Variants in MYO3A observed in about 807,000 individuals in gnomAD.
The protein encoded by MYO3A is myosin-IIIa.
In MYO3A, 180 loss-of-function variants were observed where a neutral mutation model predicts 192.7. The observed-to-expected ratio is 0.93, with a 90% CI of 0.83 to 1.06. The LOEUF (loss-of-function observed/expected upper bound fraction) is 1.06, where lower values mean the gene tolerates loss of function less well. MYO3A is among the 50% of genes least tolerant of loss of function. The pLI is 0.00. For synonymous variants in MYO3A, 628 were observed against 645.3 expected, an observed-to-expected ratio of 0.97 and a Z score of 0.41; for missense variants, 1,896 against 1,905.0, an observed-to-expected ratio of 1.00 and a Z score of 0.09.
chr10:26,189,973 G>T (rs571572551), intron 31 of MYO3A, among the ~76,000 whole-genome samples: 1 of 152,172 alleles, frequency 6.6e-6, no homozygotes, highest in Non-Finnish European at 1.5e-5. Context: ...TGAGGCAGGA[G>T]AATAGCTTGA....
chr10:26,170,647 CTG>C, intron 29 of MYO3A, 108 bp downstream of exon 29: 1 of 1,211,498 alleles, frequency 8.3e-7, no homozygotes, highest in Non-Finnish European at 1.2e-6. Context: ...GTTCCTGATA[CTG>C]ACACATCAAA....
intron 31 of MYO3A, among the ~76,000 whole-genome samples, chr10:26,185,025 T>C (rs1484326577): frequency 6.6e-6 from 1 of 152,192 alleles, no homozygotes; most frequent in Non-Finnish European, 1.5e-5. Flanking sequence ...AAAAAAATAT[T>C]CTGAAGGAAT....
At chr10:26,025,001 A>G (rs1842476472) in intron 9 of MYO3A, among the ~76,000 whole-genome samples, 3 of 152,210 alleles carry the variant, frequency 2.0e-5, no homozygotes, top group African/African-American at 7.2e-5. Flanking sequence ...GAGTAACTCC[A>G]GTGTCTAGCA....
At chr10:26,063,646 A>G (rs1445434905) in intron 10 of MYO3A, among the ~76,000 whole-genome samples, 1 of 152,204 alleles carries the variant, frequency 6.6e-6, no homozygotes, top group African/African-American at 2.4e-5. Flanking sequence ...TAAGATATCT[A>G]TCCTAAAGGA....
chr10:26,192,311 G>A (rs919986667), intron 31 of MYO3A, among the ~76,000 whole-genome samples: 2 of 152,254 alleles, frequency 1.3e-5, no homozygotes, highest in Admixed American at 6.5e-5. Flanking sequence ...GTTGGTTTGA[G>A]GTTCTAAATT....
At chr10:26,043,810 C>A (rs538882133) in intron 10 of MYO3A, among the ~76,000 whole-genome samples, 1 of 152,176 alleles carries the variant, frequency 6.6e-6, no homozygotes, top group Non-Finnish European at 1.5e-5. Context: ...GCTGTATGCC[C>A]CTGTGGCAAA....
intron 25 of MYO3A, among the ~76,000 whole-genome samples, chr10:26,155,738 A>T (rs1841073056): frequency 6.6e-6 from 1 of 152,194 alleles, no homozygotes; most frequent in African/African-American, 2.4e-5. Context: ...TTAATACCTG[A>T]CGTTTGTTGC....
At chr10:26,152,734 C>T (rs189709673) in intron 23 of MYO3A, among the ~76,000 whole-genome samples, 4 of 152,316 alleles carry the variant, frequency 2.6e-5, no homozygotes, top group Admixed American at 6.5e-5. Flanking sequence ...CTGTATCTGT[C>T]CACTCTGCTG....
rs139349007 is a variant in MYO3A, at chr10:26,176,844, A to G, written c.4437A>G (p.Ser1479=). Residue 1479 remains serine (S), a splice_region_variant and synonymous_variant, in exon 31 of 35, where the codon TCA becomes TCG. Transcript: ENST00000642920. ...GAGTTTCTTCTCAGCAGTGCCTCTC[A>G]GGTAAAAATCAGTAGAGTTAGAACT... ...NRRVSSQQCL[S]GVCKGEEPKI... is the part of the protein sequence containing the mutation. The G allele has an allele frequency of 2.5e-6, 4 of 1,613,968 alleles. No homozygotes were observed. Among genetic ancestry groups the G allele is most frequent in the Non-Finnish European group, 3.4e-6 (4 of 1,179,946 alleles).
rs1381889483 is a variant in MYO3A at position 26,186,433 on chromosome 10, AT to A, written c.4439-6766del. Among the ~76,000 whole-genome samples, 3 of 151,822 alleles carry A rather than the reference AT, an allele frequency of 2.0e-5. No individual in the cohort carries two copies. In the East Asian group the frequency reaches 5.8e-4, roughly 29 times the overall value. ...AGGCGCCTGCCACCACACCCGGCTA[AT>A]TTTTTGTATTTTTAGTAGAGATGGT... is the stretch of plus-strand genomic sequence containing the variant. On this transcript the variant is annotated intron_variant, in intron 31 of 34. Coordinates refer to ENST00000642920, the MANE Select transcript of MYO3A (RefSeq NM_017433.5).
chr10:25,952,071 G>T lies in MYO3A; in HGVS notation c.-17-23G>T, dbSNP rs771343646. 28 of 1,555,958 alleles carry T rather than the reference G, an allele frequency of 1.8e-5. No homozygotes were observed. In the South Asian group the frequency reaches 3.1e-4, roughly 17 times the overall value. ...TTGATATCCTCAATCAACTGTAGAT[G>T]AAACTGTACTTCTTATCTCCAGGTT... On this transcript the variant is annotated intron_variant, in intron 2 of 34. Coordinates refer to ENST00000642920, the MANE Select transcript of MYO3A (RefSeq NM_017433.5).
At position 26,130,577 on chromosome 10, in the gene MYO3A, A is replaced by G. The variant is rs114961112; in HGVS notation, c.2262+2039A>G. Among the ~76,000 whole-genome samples, 598 of 152,342 alleles carry G rather than the reference A, an allele frequency of 3.9e-3. 5 individuals are homozygous for G. The highest frequency in any genetic ancestry group is 0.014 in the African/African-American group (571 of 41,566). ...AAAATTTCCCCCAACAAAATAAAAC[A>G]TTCAACTAGAATCCAGGATTATACA... On this transcript the variant is annotated intron_variant, in intron 20 of 34. Coordinates refer to ENST00000642920, the MANE Select transcript of MYO3A (RefSeq NM_017433.5).
At position 25,971,386 on chromosome 10, in the gene MYO3A, T is replaced by G. The variant is rs375717821; in HGVS notation, c.303+16378T>G. Among the ~76,000 whole-genome samples the G allele has an allele frequency of 3.3e-5, 5 of 152,224 alleles. No individual in the cohort carries two copies. In the East Asian group the frequency reaches 7.7e-4, roughly 23 times the overall value. ...AAGTTAAGAGAAAAAGGAAGAAATA[T>G]GCATTTACAGTATATCTTCATTTTT... On this transcript the variant is annotated intron_variant, in intron 4 of 34. Coordinates refer to ENST00000642920, the MANE Select transcript of MYO3A (RefSeq NM_017433.5).
chr10:26,072,808 G>T (rs530870024), intron 14 of MYO3A, among the ~76,000 whole-genome samples: 1 of 152,164 alleles, frequency 6.6e-6, no homozygotes, highest in African/African-American at 2.4e-5. Context: ...AAAACAGTTT[G>T]GATGTTTCTT....
chr10:25,988,338 C>T (rs546183882), intron 4 of MYO3A, among the ~76,000 whole-genome samples: 15 of 151,726 alleles, frequency 9.9e-5, no homozygotes, highest in Middle Eastern at 3.4e-3. Flanking sequence ...CCAAACACTA[C>T]CTGTTCCCTA....
At position 26,053,291 on chromosome 10, in the gene MYO3A, A is replaced by G. The variant is rs1051289142; in HGVS notation, c.954-13684A>G. 5.9e-5 allele frequency among the ~76,000 whole-genome samples: 9 copies of G among 152,246 alleles called. No homozygotes were observed. Among genetic ancestry groups the G allele is most frequent in the African/African-American group, 2.2e-4 (9 of 41,466 alleles). On this transcript the variant is annotated intron_variant, in intron 10 of 34. Transcript: ENST00000642920. Reference sequence around the variant, plus strand: ...TTATAACCAGAGTGTAAAAATAAAAATACGTTTTCTTTGGTTTCACAGTAG... The same window carrying G: ...TTATAACCAGAGTGTAAAAATAAAAGTACGTTTTCTTTGGTTTCACAGTAG...
chr10:26,084,669 A>C (rs1836192737), intron 14 of MYO3A, among the ~76,000 whole-genome samples: 1 of 152,076 alleles, frequency 6.6e-6, no homozygotes, highest in Admixed American at 6.6e-5. Flanking sequence ...GCACCTGGCT[A>C]ATTTTATAAT....
chr10:26,210,853 A>G (rs1010492965), intron 34 of MYO3A, among the ~76,000 whole-genome samples: 1 of 151,842 alleles, frequency 6.6e-6, no homozygotes, highest in East Asian at 1.9e-4. Context: ...TTGATCTATC[A>G]TCCTGGAATT....
intron 32 of MYO3A, among the ~76,000 whole-genome samples, chr10:26,200,357 A>G (rs926142079): frequency 6.6e-6 from 1 of 152,196 alleles, no homozygotes; most frequent in African/African-American, 2.4e-5. Context: ...TTGTTATACA[A>G]CACTTTTATG....
Sources: gnomAD v4.1 joint callset for allele counts (sites outside exome capture counted in the v4.1 genomes callset) on GRCh38, gnomAD v4.1.1 for gene constraint, MANE v1.5 for transcripts, NCBI Gene and HGNC (gene_info 2026-07-23, HGNC 2026-07-21) for gene names.